Variants in IMMP2L observed in about 807,000 individuals in gnomAD.
IMMP2L encodes the protein inner mitochondrial membrane peptidase subunit 2.
In IMMP2L, 18 loss-of-function variants were observed where a neutral mutation model predicts 19.3. That is an observed-to-expected ratio of 0.93 (90% CI 0.64 to 1.38). The LOEUF (loss-of-function observed/expected upper bound fraction) is 1.38. Among genes scored for constraint, IMMP2L ranks in the 40% most tolerant of loss-of-function variants. The pLI is 0.00. For synonymous variants in IMMP2L, 76 were observed against 73.0 expected, an observed-to-expected ratio of 1.04 and a Z score of -0.21; for missense variants, 233 against 218.2, an observed-to-expected ratio of 1.07 and a Z score of -0.43.
intron 2 of IMMP2L, among the ~76,000 whole-genome samples, chr7:111,492,097 G>A (rs1429803013): frequency 6.6e-6 from 1 of 151,540 alleles, no homozygotes; most frequent in South Asian, 2.1e-4. Context: ...TCACTCCCTT[G>A]TCTCTCTTTC....
intron 2 of IMMP2L, among the ~76,000 whole-genome samples, chr7:111,520,526 A>C (rs961565007): frequency 6.6e-6 from 1 of 152,002 alleles, no homozygotes; most frequent in Non-Finnish European, 1.5e-5. Flanking sequence ...AAACAAAAAG[A>C]AAAAAAATTA....
chr7:111,362,804 A>C (rs1829385690), intron 3 of IMMP2L, among the ~76,000 whole-genome samples: 1 of 152,104 alleles, frequency 6.6e-6, no homozygotes, highest in Admixed American at 6.6e-5. Flanking sequence ...ATCCTGGAGA[A>C]GTGTACAATG....
At chr7:111,422,430 T>TG (rs112728322) in intron 3 of IMMP2L, among the ~76,000 whole-genome samples, 8,666 of 151,864 alleles carry the variant, frequency 0.057, 372 homozygotes, top group South Asian at 0.083. Context: ...CTTGAAGAGG[T>TG]CACCACATCC....
chr7:111,552,488 A>G (rs183907926), intron 1 of IMMP2L, among the ~76,000 whole-genome samples: 1 of 152,238 alleles, frequency 6.6e-6, no homozygotes, highest in African/African-American at 2.4e-5. Flanking sequence ...GAGTTTCACT[A>G]TGTTGGCCAG....
At chr7:111,309,804 T>TA in intron 3 of IMMP2L, among the ~76,000 whole-genome samples, 1 of 152,194 alleles carries the variant, frequency 6.6e-6, no homozygotes, top group Non-Finnish European at 1.5e-5. Context: ...AAAATTATAG[T>TA]ACCTGTTAGA....
At chr7:111,100,093 G>A (rs1797810812) in intron 3 of IMMP2L, 1 of 151,580 alleles carries the variant, frequency 6.6e-6, no homozygotes. Flanking sequence ...GTCTGACTCT[G>A]AAGCCCATGT....
chr7:111,504,037 G>T (rs946465208), intron 2 of IMMP2L, among the ~76,000 whole-genome samples: 11 of 152,134 alleles, frequency 7.2e-5, no homozygotes, highest in African/African-American at 2.7e-4. Context: ...AATTGTCCCT[G>T]TTTGCAGATG....
At chr7:111,278,713 A>G (rs745612633) in intron 3 of IMMP2L, among the ~76,000 whole-genome samples, 4 of 152,168 alleles carry the variant, frequency 2.6e-5, no homozygotes, top group Non-Finnish European at 5.9e-5. Flanking sequence ...TTTTGTTAAT[A>G]ACATGTTTTA....
chr7:111,305,420 C>T (rs1186694602), intron 3 of IMMP2L, among the ~76,000 whole-genome samples: 1 of 152,110 alleles, frequency 6.6e-6, no homozygotes, highest in East Asian at 1.9e-4. Context: ...CCTCCGCCTC[C>T]CAAGTTCAAG....
chr7:111,302,085 G>A (rs1782349320), intron 3 of IMMP2L, among the ~76,000 whole-genome samples: 1 of 151,944 alleles, frequency 6.6e-6, no homozygotes, highest in African/African-American at 2.4e-5. Context: ...GTACCCATTA[G>A]CATCACCAGT....
At chr7:111,277,566 TA>T (rs34068307) in intron 3 of IMMP2L, among the ~76,000 whole-genome samples, 74,197 of 136,366 alleles carry the variant, frequency 0.54, 19,717 homozygotes, top group South Asian at 0.71. Flanking sequence ...TTGTCTCATT[TA>T]AAAAAAAAAA....
intron 5 of IMMP2L, among the ~76,000 whole-genome samples, chr7:110,780,296 A>G (rs2131075907): frequency 6.6e-6 from 1 of 151,170 alleles, no homozygotes; most frequent in Admixed American, 6.6e-5. Context: ...AGTTCTCTAT[A>G]TACTAGATAG....
intron 4 of IMMP2L, among the ~76,000 whole-genome samples, chr7:110,962,015 C>T (rs1417830127): frequency 2.0e-5 from 3 of 151,838 alleles, no homozygotes; most frequent in Non-Finnish European, 1.5e-5. Flanking sequence ...CAATTGTATA[C>T]ATTTATACTA....
In IMMP2L at chr7:111,144,943, C is replaced by G. The variant is rs372763031; in HGVS notation, c.240-181378G>C. 1.1e-4 allele frequency among the ~76,000 whole-genome samples: 16 copies of G among 152,180 alleles called. No individual in the cohort carries two copies. The East Asian group carries it at 3.1e-3, about 29-fold the overall frequency. The stretch of plus-strand genomic sequence containing the variant: ...GAATATTGTCTTAAAGGGGCCTGAT[C>G]TGAACTGTAGGTTCAGGGAGGATTT... On this transcript the variant is annotated intron_variant, in intron 3 of 5. Transcript: ENST00000405709.
rs192618075 is a variant in IMMP2L at position 111,552,448 on chromosome 7, C to T, written c.-3+9403G>A. Among the ~76,000 whole-genome samples, 5 of 152,162 alleles carry T rather than the reference C, an allele frequency of 3.3e-5. No homozygotes were observed. In the East Asian group the frequency reaches 5.8e-4, roughly 18 times the overall value. The stretch of plus-strand genomic sequence containing the variant: ...CATCACAGGCATGTATCATCACACC[C>T]GGCTAATTTTTGTATTTTTAGTAGA... On this transcript the variant is annotated intron_variant, in intron 1 of 5. Coordinates refer to ENST00000405709, the MANE Select transcript of IMMP2L (RefSeq NM_032549.4).
At chr7:111,173,711 C>T (rs2129609587) in intron 3 of IMMP2L, among the ~76,000 whole-genome samples, 1 of 151,706 alleles carries the variant, frequency 6.6e-6, no homozygotes, top group South Asian at 2.1e-4. Context: ...AATCTTCCTC[C>T]TGGGGTGTTT....
At position 111,281,097 on chromosome 7, in the gene IMMP2L, AG is replaced by A. The variant is rs1819663293; in HGVS notation, c.239+206140del. ...GAAAGAAAGAAGGAAAGAGAGAGAAAGAGAGAAAGAGAGAAAGAGAGAAAGA... is the reference window on the plus strand; with the variant it reads ...GAAAGAAAGAAGGAAAGAGAGAGAAAAGAGAAAGAGAGAAAGAGAGAAAGA... On this transcript the variant is annotated intron_variant, in intron 3 of 5. Coordinates refer to ENST00000405709, the MANE Select transcript of IMMP2L (RefSeq NM_032549.4). Among the ~76,000 whole-genome samples, 11 of 54,254 alleles carry A rather than the reference AG, an allele frequency of 2.0e-4. 2 individuals carry two copies. The Admixed American group carries it at 2.7e-3, about 13-fold the overall frequency. 35.6% of individuals were successfully genotyped at this position (54,254 alleles called of 152,430 possible). A position where few individuals can be genotyped will look rare whatever the true frequency, so the allele number is the denominator to read the frequency against.
chr7:110,799,979 C>T (rs1225123434), intron 5 of IMMP2L, among the ~76,000 whole-genome samples: 1 of 151,946 alleles, frequency 6.6e-6, no homozygotes, highest in African/African-American at 2.4e-5. Context: ...GAAGTGGTAC[C>T]ATAAATTTTA....
Position 111,321,966 on chromosome 7 carries a change from A to G in IMMP2L, c.239+165272T>C, listed in dbSNP as rs143778071. ...TACAAATCCTTAAACCTAAAATGCC[A>G]TATGTTAAAACTCAAATTATGTTAA... On this transcript the variant is annotated intron_variant, in intron 3 of 5. Transcript: ENST00000405709. 2.7e-3 allele frequency among the ~76,000 whole-genome samples: 408 copies of G among 152,114 alleles called. 2 individuals carry two copies. The highest frequency in any genetic ancestry group is 3.9e-3 in the Non-Finnish European group (268 of 67,902).
Sources: gnomAD v4.1 joint callset for allele counts (sites outside exome capture counted in the v4.1 genomes callset) on GRCh38, gnomAD v4.1.1 for gene constraint, MANE v1.5 for transcripts, NCBI Gene and HGNC (gene_info 2026-07-23, HGNC 2026-07-21) for gene names.